Variants in VILL observed in about 807,000 individuals in gnomAD.
The protein encoded by VILL is villin-like protein.
In VILL, 102 loss-of-function variants were observed where a neutral mutation model predicts 106.3. The ratio of observed to expected loss-of-function variants is 0.96; its 90% CI spans 0.82 to 1.13. The LOEUF (loss-of-function observed/expected upper bound fraction) is 1.13, where lower values mean the gene tolerates loss of function less well. VILL is among the 50% of genes most tolerant of loss of function. VILL has a pLI of 0.00. For synonymous variants in VILL, 431 were observed against 440.3 expected (o/e 0.98, Z 0.27); for missense variants, 1,076 against 1,116.6 (o/e 0.96, Z 0.52).
At position 37,998,301 on chromosome 3, in the gene VILL, C is replaced by T. The variant is rs1389235899; in HGVS notation, c.879C>T (p.Ile293=). The change falls in exon 9 of 20, where the codon ATC becomes ATT. Residue 293 remains isoleucine (I), a synonymous_variant. Coordinates refer to ENST00000383759, the MANE Select transcript of VILL (RefSeq NM_015873.4). The surrounding 1 kb of genome is among the most constrained non-coding windows in gnomAD (Gnocchi z 4.1). The part of the protein sequence containing the change: ...FYILDQGGFK[I]YVWQGRMSSL... ...TCCTGGACCAGGGTGGCTTCAAGAT[C>T]TATGTGTGGCAGGGACGCATGTCTA... 1.9e-6 allele frequency: 3 copies of T among 1,614,038 alleles called. No individual in the cohort carries two copies. Among genetic ancestry groups the T allele is most frequent in the Non-Finnish European group, 2.5e-6 (3 of 1,180,018 alleles).
chr3:37,999,319 G>T lies in VILL; in HGVS notation c.1082-20G>T. 6.7e-7 allele frequency: 1 copy of T among 1,499,264 alleles called. No individual in the cohort carries two copies. The highest frequency in any genetic ancestry group is 8.9e-7 in the Non-Finnish European group (1 of 1,123,026). 92.9% of individuals were successfully genotyped at this position (1,499,264 alleles called of 1,614,324 possible). ...GGGGGGGGCAGAGGGCGCCACTGAC[G>T]CCTACTGTCCCCCCTTCAGATAAAT... is the stretch of plus-strand genomic sequence containing the variant. On this transcript the variant is annotated intron_variant, in intron 10 of 19. Coordinates refer to ENST00000383759, the MANE Select transcript of VILL (RefSeq NM_015873.4).
rs373871644 is a variant in VILL, at chr3:37,994,144, T to G, written c.136-117T>G. 1.3e-5 allele frequency: 19 copies of G among 1,420,952 alleles called. No individual in the cohort carries two copies. In the Middle Eastern group the frequency reaches 5.2e-4, roughly 39 times the overall value. The allele number at this position is 1,420,952 out of a possible 1,614,324, so 88.0% of individuals were successfully genotyped here. A position where few individuals can be genotyped will look rare whatever the true frequency, so the allele number is the denominator to read the frequency against. ...TTCTTAGTCCTTCCCTCCCACTTCC[T>G]GATCTCCGCGGAAGCCCCTGCCTAG... On this transcript the variant is annotated intron_variant, in intron 3 of 19. Coordinates refer to ENST00000383759, the MANE Select transcript of VILL (RefSeq NM_015873.4).
chr3:37,997,028 A>G lies in VILL; in HGVS notation c.451-49A>G, dbSNP rs757476420. On this transcript the variant is annotated intron_variant, in intron 5 of 19. Coordinates refer to ENST00000383759, the MANE Select transcript of VILL (RefSeq NM_015873.4). The surrounding 1 kb of genome is among the most constrained non-coding windows in gnomAD (Gnocchi z 4.7). ...ACACATCCCAGCTATGCTCCCCTCT[A>G]GCGGATGCTGGTGGTATGACACTCT... The G allele has an allele frequency of 6.5e-7, 1 of 1,548,140 alleles. No individual in the cohort carries two copies. The highest frequency in any genetic ancestry group is 2.2e-5 in the East Asian group (1 of 44,472).
chr3:37,990,043 A>G (rs1699590825), upstream of VILL, among the ~76,000 whole-genome samples: 1 of 152,200 alleles, frequency 6.6e-6, no homozygotes, highest in South Asian at 2.1e-4. This position sits in a 1 kb window ranked among gnomAD's most constrained non-coding sequence, Gnocchi z 5.1. Flanking sequence ...GGGATGGCCC[A>G]CGCTGGCTGG....
At position 37,998,082 on chromosome 3, in the gene VILL, C is replaced by T; in HGVS notation, c.765-8C>T. ...GGGCTGGCCACTCCTGGGTTCCTGT[C>T]CCCCCAGTGTCTATGAGAAGGGCAA... On this transcript the variant is annotated splice_region_variant and splice_polypyrimidine_tract_variant and intron_variant, in intron 7 of 19. Coordinates refer to ENST00000383759, the MANE Select transcript of VILL (RefSeq NM_015873.4). The surrounding 1 kb of genome is among the most constrained non-coding windows in gnomAD (Gnocchi z 4.1). 2.5e-6 allele frequency: 4 copies of T among 1,602,162 alleles called. No homozygotes were observed. Among genetic ancestry groups the T allele is most frequent in the African/African-American group, 1.3e-5 (1 of 74,570 alleles).
At chr3:37,999,519 T>G (rs1699776018) in intron 11 of VILL, 80 bp downstream of exon 11, 9 of 1,132,436 alleles carry the variant, frequency 7.9e-6, no homozygotes, top group Non-Finnish European at 1.1e-5. Context: ...ATGACTGCTA[T>G]CTAAAGTGAC....
At chr3:37,995,590 TATAC>T (rs1436628077) in intron 4 of VILL, 145 bp from the exon 5 acceptor site, 2 of 624,742 alleles carry the variant, frequency 3.2e-6, no homozygotes, top group Non-Finnish European at 2.9e-6. Flanking sequence ...CCCATGTACT[TATAC>T]ATACATGTGT....
chr3:38,004,564 G>A (rs2125538326), intron 16 of VILL, among the ~76,000 whole-genome samples, 165 bp downstream of exon 16: 2 of 152,342 alleles, frequency 1.3e-5, no homozygotes, highest in Non-Finnish European at 2.9e-5. Flanking sequence ...GACCATGGAT[G>A]AGTGTGCATC....
chr3:38,006,189 G>A lies in VILL; in HGVS notation c.2142G>A (p.Pro714=), dbSNP rs11707277. 0.15 allele frequency: 237,830 copies of A among 1,613,960 alleles called. 18,439 individuals carry two copies. Among genetic ancestry groups the A allele is most frequent in the South Asian group, 0.19 (17,505 of 91,072 alleles). The part of the protein sequence containing the change: ...TWDPYKWTSH[P]SHKEVVDGSP... ...CCCGATTCTTGCTCCAGAGCCACCCGTCCCACAAGGAAGTGGTGGATGGCA... is the reference window on the plus strand; with the variant it reads ...CCCGATTCTTGCTCCAGAGCCACCCATCCCACAAGGAAGTGGTGGATGGCA... The change falls in exon 18 of 20, where the codon CCG becomes CCA. Residue 714 remains proline (P), a synonymous_variant. Transcript: ENST00000383759.
chr3:37,999,414 TG>T lies in VILL; in HGVS notation c.1159del (p.Asp387ThrfsTer66). 1 of 1,489,482 alleles carries T rather than the reference TG, an allele frequency of 6.7e-7. No individual in the cohort carries two copies. The highest frequency in any genetic ancestry group is 8.9e-7 in the Non-Finnish European group (1 of 1,122,950). The allele number at this position is 1,489,482 out of a possible 1,614,324, so 92.3% of individuals were successfully genotyped here. A position where few individuals can be genotyped will look rare whatever the true frequency, so the allele number is the denominator to read the frequency against. The stretch of plus-strand genomic sequence containing the variant: ...AAGTTAGCGGCCCAGCTCAGGATGG[TG>T]GACGACGGCTCTGGGAAGGTGGAGG... ...QPKLAAQLRM[V>X]DDGSGKVEVW... On this transcript the variant is annotated frameshift_variant, in exon 11 of 20. Transcript: ENST00000383759. LOFTEE classifies it high-confidence loss of function.
In VILL at chr3:37,997,408, G is replaced by T; in HGVS notation, c.562-75G>T. On this transcript the variant is annotated intron_variant, in intron 6 of 19. Coordinates refer to ENST00000383759, the MANE Select transcript of VILL (RefSeq NM_015873.4). The surrounding 1 kb of genome is among the most constrained non-coding windows in gnomAD (Gnocchi z 4.7). Reference sequence around the variant, plus strand: ...TTCTCCCCATCAGCCTCTGGGAGCTGAGCAGTGACAGGAGAAGTCTCTGCT... The same window carrying T: ...TTCTCCCCATCAGCCTCTGGGAGCTTAGCAGTGACAGGAGAAGTCTCTGCT... 6.6e-7 allele frequency: 1 copy of T among 1,506,128 alleles called. No individual in the cohort carries two copies. Among genetic ancestry groups the T allele is most frequent in the South Asian group, 1.2e-5 (1 of 86,802 alleles). The allele number at this position is 1,506,128 out of a possible 1,614,324, so 93.3% of individuals were successfully genotyped here. A position where few individuals can be genotyped will look rare whatever the true frequency, so the allele number is the denominator to read the frequency against.
At chr3:38,006,869 A>G (rs9757428) in intron 19 of VILL, 73 bp from the exon 20 acceptor site, 8 of 1,517,650 alleles carry the variant, frequency 5.3e-6, no homozygotes, top group African/African-American at 1.4e-5. Flanking sequence ...GATGACTGAC[A>G]CTACTGAGTG....
intron 15 of VILL, chr3:38,003,612 C>T (rs1031320907): frequency 4.9e-6 from 2 of 406,556 alleles, no homozygotes; most frequent in East Asian, 4.9e-5. Context: ...CCCCACCCTA[C>T]AGTCCTCAGG....
At position 37,999,412 on chromosome 3, in the gene VILL, G is replaced by A; in HGVS notation, c.1155G>A (p.Met385Ile). Residue 385 changes from methionine to isoleucine, a missense_variant, in exon 11 of 20, where the codon ATG (methionine) becomes ATA (isoleucine). Coordinates refer to ENST00000383759, the MANE Select transcript of VILL (RefSeq NM_015873.4). Reference protein sequence around the residue: ...TQPKLAAQLRMVDDGSGKVEV... With the variant: ...TQPKLAAQLRIVDDGSGKVEV... ...CTAAGTTAGCGGCCCAGCTCAGGATGGTGGACGACGGCTCTGGGAAGGTGG... is the reference window on the plus strand; with the variant it reads ...CTAAGTTAGCGGCCCAGCTCAGGATAGTGGACGACGGCTCTGGGAAGGTGG... 2.7e-6 allele frequency: 4 copies of A among 1,490,172 alleles called. No homozygotes were observed. The highest frequency in any genetic ancestry group is 3.6e-6 in the Non-Finnish European group (4 of 1,123,348). 92.3% of individuals were successfully genotyped at this position (1,490,172 alleles called of 1,614,324 possible).
At chr3:37,993,340 A>G in intron 1 of VILL, 1 of 318,252 alleles carries the variant, frequency 3.1e-6, no homozygotes, top group Non-Finnish European at 5.9e-6. Context: ...AGATCACTTG[A>G]ACCCAGAAGG....
chr3:38,001,922 G>T, intron 13 of VILL, 62 bp downstream of exon 13: 1 of 1,608,988 alleles, frequency 6.2e-7, no homozygotes, highest in Non-Finnish European at 8.5e-7. Context: ...CATGGCCCCC[G>T]CACACACTTC....
In VILL at chr3:38,006,694, C is replaced by T. The variant is rs759077006; in HGVS notation, c.2451C>T (p.Arg817=). ...EDLPEGVDPA[R]REFYLSDSDF... ...TGCCAGAGGGCGTGGACCCTGCCCG[C>T]AGGGAGGTGGGCACCCCCTCACTGC... Residue 817 remains arginine (R), a synonymous_variant, in exon 19 of 20, where the codon CGC becomes CGT. Transcript: ENST00000383759. The T allele has an allele frequency of 2.5e-6, 4 of 1,601,754 alleles. No homozygotes were observed. Among genetic ancestry groups the T allele is most frequent in the Non-Finnish European group, 3.4e-6 (4 of 1,172,460 alleles).
upstream of VILL, among the ~76,000 whole-genome samples, chr3:37,989,078 G>T (rs535134288): frequency 2.6e-5 from 4 of 152,316 alleles, no homozygotes; most frequent in East Asian, 7.7e-4. Context: ...GCAGGCAGGA[G>T]GCGTGAGAGG....
At chr3:38,001,272 CT>C in intron 11 of VILL, 183 bp from the exon 12 acceptor site, 1 of 886,000 alleles carries the variant, frequency 1.1e-6, no homozygotes, top group Non-Finnish European at 1.7e-6. Flanking sequence ...AAAGGGTCAC[CT>C]GCAGATCCTT....
Sources: allele counts gnomAD v4.1 joint callset (sites outside exome capture counted in the v4.1 genomes callset), GRCh38; gene constraint gnomAD v4.1.1; non-coding constraint Gnocchi (gnomAD v3.1); transcripts MANE v1.5; gene names NCBI Gene and HGNC (gene_info 2026-07-23, HGNC 2026-07-21).